The following DCXR variants were observed in gnomAD, a reference collection of about 807,000 sequenced individuals.
DCXR encodes the protein L-xylulose reductase.
Under a neutral mutation model 25.9 loss-of-function variants are expected in DCXR, and 24 were observed. The observed-to-expected ratio is 0.93, with a 90% CI of 0.67 to 1.30. The LOEUF (loss-of-function observed/expected upper bound fraction) is 1.30, where lower values mean the gene tolerates loss of function less well. DCXR is among the 50% of genes most tolerant of loss of function. DCXR has a pLI of 0.00. For missense variants in DCXR, 348 were observed against 333.7 expected (o/e 1.04, Z -0.33); for synonymous variants, 161 against 141.7 (o/e 1.14, Z -0.97).
rs2043504323 is a variant in DCXR, at chr17:82,037,327, GC to G, written c.150+122del. 30 of 1,155,392 alleles carry G rather than the reference GC, an allele frequency of 2.6e-5. No homozygotes were observed. In the East Asian group the frequency reaches 8.8e-4, roughly 34 times the overall value. 71.6% of individuals were successfully genotyped at this position (1,155,392 alleles called of 1,614,324 possible). A position where few individuals can be genotyped will look rare whatever the true frequency, so the allele number is the denominator to read the frequency against. ...CGAGAGAGGGTGCGCGGGCGCCCAG[GC>G]CGCGGTGAGAAGCGCAGCGCCCGCG... On this transcript the variant is annotated intron_variant, in intron 2 of 7. Coordinates refer to ENST00000306869, the MANE Select transcript of DCXR (RefSeq NM_016286.4).
In DCXR at chr17:82,037,513, C is replaced by A; in HGVS notation, c.87G>T (p.Ala29=). Reference sequence around the variant, plus strand: ...TCACAGCCACCACCCGCGCGCCCGTCGCGTGCAGCGCCTGGACCGTGCCGC... The same window carrying A: ...TCACAGCCACCACCCGCGCGCCCGTAGCGTGCAGCGCCTGGACCGTGCCGC... ...IGRGTVQALH[A]TGARVVAVSR... is the part of the protein sequence containing the mutation. The change falls in exon 2 of 8, where the codon GCG becomes GCT. Residue 29 remains alanine (A), a synonymous_variant. Transcript: ENST00000306869. 1 of 1,541,686 alleles carries A rather than the reference C, an allele frequency of 6.5e-7. No individual in the cohort carries two copies. The highest frequency in any genetic ancestry group is 8.7e-7 in the Non-Finnish European group (1 of 1,150,962).
rs1337558240 is a variant in DCXR, at chr17:82,035,948, T to A, written c.*12A>T. The A allele has an allele frequency of 1.2e-6, 2 of 1,608,444 alleles. No homozygotes were observed. Among genetic ancestry groups the A allele is most frequent in the Non-Finnish European group, 8.5e-7 (1 of 1,176,426 alleles). On this transcript the variant is annotated 3_prime_UTR_variant, in exon 8 of 8. Coordinates refer to ENST00000306869, the MANE Select transcript of DCXR (RefSeq NM_016286.4). ...TGAGCACGGCATGGGGCTTGAGGTG[T>A]GTGGAGGGAGCTCAGCAGGCCCAGA...
chr17:82,036,811 C>T lies in DCXR; in HGVS notation c.305+48G>A, dbSNP rs752445063. The T allele has an allele frequency of 1.9e-5, 31 of 1,613,376 alleles. No individual in the cohort carries two copies. In the Admixed American group the frequency reaches 3.2e-4, roughly 16 times the overall value. On this transcript the variant is annotated intron_variant, in intron 3 of 7. Coordinates refer to ENST00000306869, the MANE Select transcript of DCXR (RefSeq NM_016286.4). ...TGGTCAGAGATTAGGGCTGCTGCGT[C>T]CTCCAGGACAGCCCCTCCCTGAGGT...
In DCXR at chr17:82,036,667, G is replaced by A. The variant is rs376885972; in HGVS notation, c.349-24C>T. On this transcript the variant is annotated intron_variant, in intron 4 of 7. Transcript: ENST00000306869. ...ATCTGGAATCGCAGCGAGACCGTGA[G>A]GCAGAGCTGGCATCACTCACGAGAA... 3.1e-6 allele frequency: 5 copies of A among 1,613,322 alleles called. No homozygotes were observed. In the African/African-American group the frequency reaches 4.0e-5, roughly 13 times the overall value.
rs536701155 is a variant in DCXR, at chr17:82,036,524, G to A, written c.448+20C>T. On this transcript the variant is annotated intron_variant, in intron 5 of 7. Coordinates refer to ENST00000306869, the MANE Select transcript of DCXR (RefSeq NM_016286.4). ...AGGCTGGGGCTGGGGTGGGGCTGAG[G>A]GCACAGCTGGGGCACTCACAGTAGA... 163 of 1,612,516 alleles carry A rather than the reference G, an allele frequency of 1.0e-4. No individual in the cohort carries two copies. The Middle Eastern group carries it at 1.5e-3, about 15-fold the overall frequency.
At position 82,037,470 on chromosome 17, in the gene DCXR, G is replaced by C; in HGVS notation, c.130C>G (p.Leu44Val). 1.3e-6 allele frequency: 2 copies of C among 1,532,518 alleles called. No homozygotes were observed. Among genetic ancestry groups the C allele is most frequent in the East Asian group, 2.5e-5 (1 of 40,420 alleles). The allele number at this position is 1,532,518 out of a possible 1,614,324, so 94.9% of individuals were successfully genotyped here. ...CCTACCTCGCGGACAAGGCTGTCAA[G>C]ATCCGCCTGAGTCCGGCTCACAGCC... ...VVAVSRTQAD[L>V]DSLVRECPGI... Residue 44 changes from leucine to valine, a missense_variant, in exon 2 of 8, where the codon CTT becomes GTT. Leu to Val is a conservative substitution (Grantham distance 32). Transcript: ENST00000306869.
rs918730632 is a variant in DCXR, at chr17:82,037,640, C to T, written c.43G>A (p.Ala15Thr). ...LAGRRVLVTG[A>T]GKGIGRGTVQ... Reference sequence around the variant, plus strand: ...TTTCCCCGCCGCCCACCTTTGCCTGCCCCGGTGACCAGCACCCGGCGGCCC... The same window carrying T: ...TTTCCCCGCCGCCCACCTTTGCCTGTCCCGGTGACCAGCACCCGGCGGCCC... Residue 15 changes from alanine (A) to threonine (T), a missense_variant, in exon 1 of 8, where the codon GCA becomes ACA. Transcript: ENST00000306869. 12 of 1,588,402 alleles carry T rather than the reference C, an allele frequency of 7.6e-6. No homozygotes were observed. In the African/African-American group the frequency reaches 1.2e-4, roughly 16 times the overall value.
Position 82,037,433 on chromosome 17 carries a change from G to A in DCXR, c.150+17C>T. 2.6e-6 allele frequency: 4 copies of A among 1,522,088 alleles called. No homozygotes were observed. Among genetic ancestry groups the A allele is most frequent in the Non-Finnish European group, 3.5e-6 (4 of 1,142,396 alleles). The allele number at this position is 1,522,088 out of a possible 1,614,324, so 94.3% of individuals were successfully genotyped here. ...CTGGCTCGCCGCCTCGCAGCGCTGG[G>A]ACCCGGCGGGACCTACCTCGCGGAC... On this transcript the variant is annotated intron_variant, in intron 2 of 7. Coordinates refer to ENST00000306869, the MANE Select transcript of DCXR (RefSeq NM_016286.4).
chr17:82,037,331 C>T, intron 2 of DCXR, 119 bp downstream of exon 2: 1 of 1,170,034 alleles, frequency 8.5e-7, no homozygotes, highest in Non-Finnish European at 1.1e-6. Context: ...GCCCAGGCCG[C>T]GGTGAGAAGC....
Position 82,036,706 on chromosome 17 carries a change from C to T in DCXR, c.348+15G>A, listed in dbSNP as rs150760136. The T allele has an allele frequency of 5.0e-6, 8 of 1,613,640 alleles. No individual in the cohort carries two copies. Among genetic ancestry groups the T allele is most frequent in the Middle Eastern group, 1.6e-4 (1 of 6,062 alleles). On this transcript the variant is annotated intron_variant, in intron 4 of 7. Coordinates refer to ENST00000306869, the MANE Select transcript of DCXR (RefSeq NM_016286.4). ...CACTCACGAGAATTCCCGTCCAGCC[C>T]ACAGGGCAGCTCACCTGCGACACCT...
chr17:82,036,106 G>A, intron 7 of DCXR, 43 bp from the exon 8 acceptor site: 1 of 1,605,886 alleles, frequency 6.2e-7, no homozygotes, highest in South Asian at 1.1e-5. Flanking sequence ...GAAGGAGGCT[G>A]CCGCCCATCT....
chr17:82,036,091 T>G (rs1189393955), intron 7 of DCXR, 28 bp from the exon 8 acceptor site: 2 of 1,609,490 alleles, frequency 1.2e-6, no homozygotes, highest in Admixed American at 1.7e-5. Flanking sequence ...GTCAGGGGCA[T>G]AGAGGAAGGA....
chr17:82,037,678 T>C lies in DCXR; in HGVS notation c.5A>G (p.Glu2Gly), dbSNP rs780734986. Residue 2 changes from glutamate to glycine, a missense_variant, in exon 1 of 8, where the codon GAG becomes GGG. Physicochemically the swap from Glu to Gly is moderately conservative, Grantham distance 98 (BLOSUM62 -2). Transcript: ENST00000306869. ...CACCCGGCGGCCCGCGAGGAACAGC[T>C]CCATGTCGGCGCAGTCTCCGCCCTC... M[E>G]LFLAGRRVLV... 1.3e-6 allele frequency: 2 copies of C among 1,590,948 alleles called. No individual in the cohort carries two copies. The highest frequency in any genetic ancestry group is 1.1e-5 in the South Asian group (1 of 89,708).
At position 82,036,556 on chromosome 17, in the gene DCXR, GGTTA is replaced by G. The variant is rs1287026697; in HGVS notation, c.432_435del (p.Asn145IlefsTer14). On this transcript the variant is annotated frameshift_variant, in exon 5 of 8. Coordinates refer to ENST00000306869, the MANE Select transcript of DCXR (RefSeq NM_016286.4). LOFTEE classifies it high-confidence loss of function. ...CTGGGGCACTCACAGTAGACGCTAT[GGTTA>G]GTTACTGCCCGCTGGGAGCACTGGC... 6.2e-7 allele frequency: 1 copy of G among 1,613,070 alleles called. No homozygotes were observed. Among genetic ancestry groups the G allele is most frequent in the East Asian group, 2.2e-5 (1 of 44,872 alleles).
At chr17:82,037,097 C>T (rs748649968) in intron 2 of DCXR, 84 bp from the exon 3 acceptor site, 24 of 1,521,236 alleles carry the variant, frequency 1.6e-5, no homozygotes, top group Non-Finnish European at 2.0e-5. Context: ...ACCTTTCAGC[C>T]GGACAAGTAA....
chr17:82,037,595 G>A (rs757611604), intron 1 of DCXR, 36 bp downstream of exon 1: 3 of 1,555,196 alleles, frequency 1.9e-6, no homozygotes, highest in Non-Finnish European at 1.7e-6. Context: ...GCCTCTGCCC[G>A]CCGCCGGCCT....
At chr17:82,037,326 G>A in intron 2 of DCXR, 124 bp downstream of exon 2, 3 of 1,158,768 alleles carry the variant, frequency 2.6e-6, no homozygotes, top group Non-Finnish European at 3.5e-6. Context: ...CGGGCGCCCA[G>A]GCCGCGGTGA....
At chr17:82,037,057 A>T in intron 2 of DCXR, 44 bp from the exon 3 acceptor site, 1 of 1,546,742 alleles carries the variant, frequency 6.5e-7, no homozygotes, top group Non-Finnish European at 8.7e-7. Context: ...TGTGCCCAGC[A>T]AGCGGCACAG....
rs760422069 is a variant in DCXR, at chr17:82,037,500, C to G, written c.100G>C (p.Val34Leu). Reference sequence around the variant, plus strand: ...GCCTGAGTCCGGCTCACAGCCACCACCCGCGCGCCCGTCGCGTGCAGCGCC... The same window carrying G: ...GCCTGAGTCCGGCTCACAGCCACCAGCCGCGCGCCCGTCGCGTGCAGCGCC... ...VQALHATGAR[V>L]VAVSRTQADL... Residue 34 changes from valine (V) to leucine (L), a missense_variant, in exon 2 of 8, where the codon GTG (valine) becomes CTG (leucine). Coordinates refer to ENST00000306869, the MANE Select transcript of DCXR (RefSeq NM_016286.4). 10 of 1,539,868 alleles carry G rather than the reference C, an allele frequency of 6.5e-6. No individual in the cohort carries two copies. Among genetic ancestry groups the G allele is most frequent in the Non-Finnish European group, 8.7e-6 (10 of 1,150,074 alleles).
Sources: gnomAD v4.1 joint callset for allele counts on GRCh38, gnomAD v4.1.1 for gene constraint, MANE v1.5 for transcripts, NCBI Gene and HGNC (gene_info 2026-07-23, HGNC 2026-07-21) for gene names.